The following SP110 variants were observed in gnomAD, a reference collection of about 807,000 sequenced individuals.
The protein encoded by SP110 is interferon-induced protein 41, 30kD.
In SP110, 62 loss-of-function variants were observed where a neutral mutation model predicts 92.7. The observed-to-expected ratio is 0.67, with a 90% CI of 0.55 to 0.83. SP110 has a LOEUF of 0.83. Among genes scored for constraint, SP110 ranks in the 40% least tolerant of loss-of-function variants. The pLI, the probability that SP110 is intolerant of heterozygous loss-of-function variation, is 0.00. For missense variants in SP110, 793 were observed against 863.9 expected (o/e 0.92, Z 1.03); for synonymous variants, 273 against 305.3 (o/e 0.89, Z 1.10).
At chr2:230,178,877 C>T (rs1352095757) in intron 12 of SP110, among the ~76,000 whole-genome samples, 1 of 152,196 alleles carries the variant, frequency 6.6e-6, no homozygotes, top group Non-Finnish European at 1.5e-5. Flanking sequence ...TCAGGGGAAG[C>T]AGTTGCAAGA....
chr2:230,177,445 C>T, intron 14 of SP110, 93 bp downstream of exon 14: 3 of 1,315,914 alleles, frequency 2.3e-6, no homozygotes, highest in Non-Finnish European at 2.2e-6. Context: ...GCTGTTGAAT[C>T]CTAACGGGAG....
At chr2:230,221,840 G>C (rs118058239), upstream of SP110, 193 of 1,012,136 alleles carry the variant, frequency 1.9e-4, no homozygotes, top group East Asian at 3.9e-3. Context: ...TAAAGCAGGA[G>C]TGGGAAAATA....
At chr2:230,173,266 A>G (rs2041698428) in intron 14 of SP110, 1 of 374,994 alleles carries the variant, frequency 2.7e-6, no homozygotes, top group African/African-American at 2.1e-5. Flanking sequence ...GAGCTGGGCC[A>G]CTCTGGGCGC....
chr2:230,199,378 T>C (rs1192158142), intron 10 of SP110, among the ~76,000 whole-genome samples: 1 of 151,496 alleles, frequency 6.6e-6, no homozygotes, highest in African/African-American at 2.4e-5. Context: ...CTGGCTAGTT[T>C]TTGTATTTTT....
chr2:230,225,117 C>G (rs1438904467), intron 1 of SP110, among the ~76,000 whole-genome samples: 3 of 152,344 alleles, frequency 2.0e-5, no homozygotes, highest in South Asian at 4.1e-4. Flanking sequence ...GGCTGTCACT[C>G]TCCTCAAGAT....
rs192671550 is a variant in SP110 at position 230,172,824 on chromosome 2, C to T, written c.1706+20G>A. On this transcript the variant is annotated intron_variant, in intron 15 of 18. Transcript: ENST00000258381. Reference sequence around the variant, plus strand: ...GGAGGTGAGTGCTGTGTGCCCGAGGCGGGGCTGCATCCCACTCACCTCTTG... The same window carrying T: ...GGAGGTGAGTGCTGTGTGCCCGAGGTGGGGCTGCATCCCACTCACCTCTTG... 717 of 1,522,434 alleles carry T rather than the reference C, an allele frequency of 4.7e-4. 3 individuals carry two copies. In the Middle Eastern group the frequency reaches 7.8e-3, roughly 17 times the overall value. The allele number at this position is 1,522,434 out of a possible 1,614,324, so 94.3% of individuals were successfully genotyped here. A position where few individuals can be genotyped will look rare whatever the true frequency, so the allele number is the denominator to read the frequency against.
intron 10 of SP110, among the ~76,000 whole-genome samples, chr2:230,199,649 A>G (rs2043043909): frequency 6.6e-6 from 1 of 152,142 alleles, no homozygotes. Flanking sequence ...CTAGAATGGC[A>G]TAATAACAGT....
intron 14 of SP110, chr2:230,176,577 G>C: frequency 6.2e-7 from 1 of 1,610,958 alleles, no homozygotes; most frequent in Non-Finnish European, 8.5e-7. Flanking sequence ...ATGTGGAGGT[G>C]ACTCAGAGCT....
chr2:230,220,788 G>T (rs1262225976), upstream of SP110, among the ~76,000 whole-genome samples: 2 of 152,128 alleles, frequency 1.3e-5, no homozygotes, highest in Non-Finnish European at 2.9e-5. Context: ...AGGATTGCTT[G>T]AGCCTAGGAG....
At chr2:230,170,492 T>C (rs1574585216) in intron 18 of SP110, 129 bp downstream of exon 18, 2 of 1,146,738 alleles carry the variant, frequency 1.7e-6, no homozygotes, top group Middle Eastern at 4.0e-4. Flanking sequence ...TGGTTTTTTT[T>C]CTGTAATCCT....
intron 7 of SP110, among the ~76,000 whole-genome samples, chr2:230,209,067 T>C (rs1333927611): frequency 6.6e-6 from 1 of 152,228 alleles, no homozygotes; most frequent in Non-Finnish European, 1.5e-5. Context: ...ATATTTTTGA[T>C]TCTTTTTCTT....
chr2:230,206,594 T>A (rs2043837240), intron 8 of SP110, among the ~76,000 whole-genome samples: 2 of 101,632 alleles, frequency 2.0e-5, no homozygotes, highest in Admixed American at 1.1e-4. Flanking sequence ...TGGTCCAGAT[T>A]TTATATATAT....
intron 2 of SP110, among the ~76,000 whole-genome samples, chr2:230,216,002 TTCCTTGAGTCTAGGGC>T (rs1265921626): frequency 6.6e-6 from 1 of 152,190 alleles, no homozygotes; most frequent in Non-Finnish European, 1.5e-5. Flanking sequence ...TTATTGGCAC[TTCCTTGAGTCTAGGGC>T]TCAATTAATG....
At chr2:230,171,566 G>C in intron 17 of SP110, 130 bp downstream of exon 17, 1 of 764,166 alleles carries the variant, frequency 1.3e-6, no homozygotes, top group Non-Finnish European at 2.4e-6. Context: ...CTGCTGCCCC[G>C]CTCCACTGCT....
At chr2:230,216,704 G>A in intron 2 of SP110, 77 bp downstream of exon 2, 1 of 1,568,664 alleles carries the variant, frequency 6.4e-7, no homozygotes, top group Non-Finnish European at 8.8e-7. Flanking sequence ...AGCCCTGGTG[G>A]TTTGTGGTTT....
chr2:230,210,050 T>C, intron 6 of SP110, 42 bp from the exon 7 acceptor site: 3 of 1,253,886 alleles, frequency 2.4e-6, no homozygotes, highest in Admixed American at 1.7e-5. Context: ...TCAGATCCAG[T>C]GAAGAGAAAG....
rs374718221 is a variant in SP110, at chr2:230,193,167, G to A, written c.1130-7024C>T. ...GTCTGTTTTATCTGATATGAGAAAA[G>A]CTACTCCTGTTTACTTTTGGTTTCC... On this transcript the variant is annotated intron_variant, in intron 10 of 18. Transcript: ENST00000258381. Among the ~76,000 whole-genome samples, 501 of 152,168 alleles carry A rather than the reference G, an allele frequency of 3.3e-3. 3 individuals are homozygous for A. The highest frequency in any genetic ancestry group is 0.012 in the African/African-American group (479 of 41,522).
At chr2:230,203,832 G>T (rs2043455314) in intron 8 of SP110, 1 of 152,132 alleles carries the variant, frequency 6.6e-6, no homozygotes. Context: ...TCTCTGTTGG[G>T]CTGCGGGCAG....
chr2:230,196,132 T>C (rs1472094528), intron 10 of SP110, among the ~76,000 whole-genome samples: 1 of 152,206 alleles, frequency 6.6e-6, no homozygotes, highest in African/African-American at 2.4e-5. Context: ...TATAAATCAT[T>C]ATGTTTTCTG....
Sources: allele counts gnomAD v4.1 joint callset (sites outside exome capture counted in the v4.1 genomes callset), GRCh38; gene constraint gnomAD v4.1.1; transcripts MANE v1.5; gene names NCBI Gene and HGNC (gene_info 2026-07-23, HGNC 2026-07-21).